The following NOVA1 variants were observed in gnomAD, a reference collection of about 807,000 sequenced individuals.
NOVA1 encodes NOVA alternative splicing regulator 1, also known as RNA-binding protein Nova-1.
Under a neutral mutation model 38.0 loss-of-function variants are expected in NOVA1, and 7 were observed. The observed-to-expected ratio is 0.18, with a 90% confidence interval of 0.10 to 0.35. The LOEUF (loss-of-function observed/expected upper bound fraction) is 0.35, where lower values mean the gene tolerates loss of function less well. Among genes scored for constraint, NOVA1 ranks in the 10% least tolerant of loss-of-function variants. NOVA1 has a pLI of 1.00. For synonymous variants in NOVA1, 270 were observed against 232.5 expected (o/e 1.16, Z -1.47); for missense variants, 460 against 616.0 (o/e 0.75, Z 2.68).
chr14:26,548,643 A>C (rs1418405318), intron 2 of NOVA1, among the ~76,000 whole-genome samples: 1 of 152,132 alleles, frequency 6.6e-6, no homozygotes, highest in African/African-American at 2.4e-5. Context: ...CTATTTTATA[A>C]GGCATAAACA....
In NOVA1 at chr14:26,448,107, T is replaced by C; in HGVS notation, c.1376A>G (p.Lys459Arg). Reference sequence around the variant, plus strand: ...TGTGCCAGGTACGAATTCTCCTTTTTTGGAGATCTGTATCCTTGCACCAGT... The same window carrying C: ...TGTGCCAGGTACGAATTCTCCTTTTCTGGAGATCTGTATCCTTGCACCAGT... ...ELTGARIQIS[K>R]KGEFVPGTRN... Residue 459 changes from lysine to arginine, a missense_variant, in exon 5 of 5, where the codon AAA (lysine) becomes AGA (arginine). Coordinates refer to ENST00000539517, the MANE Select transcript of NOVA1 (RefSeq NM_002515.3). This position sits in a 1 kb window ranked among gnomAD's most constrained non-coding sequence, Gnocchi z 5.3. 6.2e-7 allele frequency: 1 copy of C among 1,614,202 alleles called. No homozygotes were observed. Among genetic ancestry groups the C allele is most frequent in the Non-Finnish European group, 8.5e-7 (1 of 1,180,024 alleles).
intron 2 of NOVA1, among the ~76,000 whole-genome samples, chr14:26,566,173 C>T (rs941007989): frequency 6.6e-6 from 1 of 152,054 alleles, no homozygotes; most frequent in African/African-American, 2.4e-5. Context: ...GTTCAAGCAC[C>T]GTTCAAGGTT....
intron 2 of NOVA1, among the ~76,000 whole-genome samples, chr14:26,519,999 A>T (rs1225597415): frequency 1.1e-4 from 17 of 152,192 alleles, no homozygotes. Flanking sequence ...ACAAACACTG[A>T]ATTAACAAAT....
At chr14:26,597,209 G>C in intron 1 of NOVA1, 92 bp downstream of exon 1, 1 of 1,122,650 alleles carries the variant, frequency 8.9e-7, no homozygotes, top group Non-Finnish European at 1.1e-6. Flanking sequence ...GCGGGAGGGA[G>C]GGAGGGAAGG....
chr14:26,499,631 C>T (rs924768431), intron 2 of NOVA1, among the ~76,000 whole-genome samples: 19 of 152,098 alleles, frequency 1.2e-4, no homozygotes, highest in African/African-American at 4.6e-4. Flanking sequence ...GGACTTTAAG[C>T]ACTTCCACAT....
intron 2 of NOVA1, among the ~76,000 whole-genome samples, chr14:26,520,964 T>C (rs1302348752): frequency 1.3e-5 from 2 of 152,100 alleles, no homozygotes; most frequent in African/African-American, 4.8e-5. Context: ...TCCTCAAGCA[T>C]ATTTGACAAT....
At chr14:26,504,773 A>C (rs1372365777) in intron 2 of NOVA1, among the ~76,000 whole-genome samples, 1 of 69,654 alleles carries the variant, frequency 1.4e-5, no homozygotes, top group Non-Finnish European at 5.4e-5. Flanking sequence ...AAACGACAGT[A>C]AGTTAAAAAA....
At chr14:26,538,775 A>G (rs1890270065) in intron 2 of NOVA1, among the ~76,000 whole-genome samples, 1 of 152,140 alleles carries the variant, frequency 6.6e-6, no homozygotes, top group South Asian at 2.1e-4. Flanking sequence ...CAATGTCTTC[A>G]AATTGTAATT....
chr14:26,538,170 C>T (rs1035389385), intron 2 of NOVA1, among the ~76,000 whole-genome samples: 2 of 151,872 alleles, frequency 1.3e-5, no homozygotes, highest in Admixed American at 6.6e-5. Flanking sequence ...AAGAAAATAC[C>T]CAATATCCCC....
At chr14:26,505,658 T>A (rs769242970) in intron 2 of NOVA1, among the ~76,000 whole-genome samples, 46 of 152,204 alleles carry the variant, frequency 3.0e-4, no homozygotes, top group Non-Finnish European at 5.4e-4. Context: ...AATACACACA[T>A]ATATGCCTGA....
chr14:26,482,085 C>CA (rs1328720302), intron 2 of NOVA1, among the ~76,000 whole-genome samples: 19 of 149,190 alleles, frequency 1.3e-4, no homozygotes, highest in African/African-American at 3.8e-4. Context: ...CAAACCATGT[C>CA]AGACCACACA....
intron 2 of NOVA1, among the ~76,000 whole-genome samples, chr14:26,499,186 C>T (rs1887068231): frequency 6.6e-6 from 1 of 152,004 alleles, no homozygotes; most frequent in African/African-American, 2.4e-5. Context: ...CCACAGGGGG[C>T]GAAATGAGTA....
At chr14:26,597,210 GGAGGGAAGGAGGGAGGGAGGACGGC>G in intron 1 of NOVA1, 66 bp downstream of exon 1, 1 of 1,114,752 alleles carries the variant, frequency 9.0e-7, no homozygotes, top group Non-Finnish European at 1.1e-6. Flanking sequence ...CGGGAGGGAG[GGAGGGAAGGAGGGAGGGAGGACGGC>G]GAGGGAGGGA....
chr14:26,585,788 G>C (rs1893479062), intron 2 of NOVA1, among the ~76,000 whole-genome samples: 1 of 94,144 alleles, frequency 1.1e-5, no homozygotes, highest in African/African-American at 3.9e-5. Context: ...AGGATAGCAT[G>C]CTAAACAGAA....
chr14:26,531,777 A>C (rs1889735631), intron 2 of NOVA1, among the ~76,000 whole-genome samples: 2 of 152,172 alleles, frequency 1.3e-5, no homozygotes. Context: ...TGAAAAGGTA[A>C]ACCACGACAC....
intron 2 of NOVA1, among the ~76,000 whole-genome samples, chr14:26,499,107 A>C (rs934964514): frequency 6.6e-6 from 1 of 152,246 alleles, no homozygotes; most frequent in East Asian, 1.9e-4. Context: ...AATGTGCTAC[A>C]TAAAACTATA....
intron 1 of NOVA1, chr14:26,597,011 A>G (rs2138835600): frequency 1.6e-6 from 2 of 1,261,792 alleles, no homozygotes; most frequent in East Asian, 3.5e-5. Flanking sequence ...GGATATTTAC[A>G]TGGTCAACCT....
At position 26,597,813 on chromosome 14, in the gene NOVA1, G is replaced by T; in HGVS notation, c.-377C>A. The T allele has an allele frequency of 2.2e-6, 1 of 445,836 alleles. No homozygotes were observed. The highest frequency in any genetic ancestry group is 3.0e-6 in the Non-Finnish European group (1 of 333,206). 27.6% of individuals were successfully genotyped at this position (445,836 alleles called of 1,614,324 possible). ...GAGGACAGGCAGAGGGAGTGGGAGA[G>T]CGCGAGGGCTGGCGGGGCGCGGGGA... is the stretch of plus-strand genomic sequence containing the variant. On this transcript the variant is annotated 5_prime_UTR_variant, in exon 1 of 5. Coordinates refer to ENST00000539517, the MANE Select transcript of NOVA1 (RefSeq NM_002515.3).
intron 2 of NOVA1, among the ~76,000 whole-genome samples, chr14:26,540,013 T>C (rs1243780688): frequency 6.6e-6 from 1 of 152,180 alleles, no homozygotes; most frequent in Admixed American, 6.5e-5. Flanking sequence ...GGTTTAAGTC[T>C]TTTGTAACAT....
Sources: allele counts gnomAD v4.1 joint callset (sites outside exome capture counted in the v4.1 genomes callset), GRCh38; gene constraint gnomAD v4.1.1; non-coding constraint Gnocchi (gnomAD v3.1); transcripts MANE v1.5; gene names NCBI Gene and HGNC (gene_info 2026-07-23, HGNC 2026-07-21).